Variants in C3orf20 observed in about 807,000 individuals in gnomAD.
C3orf20 encodes family with sequence similarity 149 member C, also known as uncharacterized protein C3orf20.
Under a neutral mutation model 88.3 loss-of-function variants are expected in C3orf20, and 76 were observed. The ratio of observed to expected loss-of-function variants is 0.86; its 90% CI spans 0.72 to 1.04. The LOEUF (loss-of-function observed/expected upper bound fraction) is 1.04. Ranked by LOEUF, C3orf20 falls within the 50% of genes least tolerant of loss-of-function variation. The pLI, the probability that C3orf20 is intolerant of heterozygous loss-of-function variation, is 0.00. For synonymous variants in C3orf20, 436 were observed against 437.4 expected, an observed-to-expected ratio of 1.00 and a Z score of 0.04; for missense variants, 1,056 against 1,123.3, an observed-to-expected ratio of 0.94 and a Z score of 0.86.
intron 9 of C3orf20, among the ~76,000 whole-genome samples, chr3:14,718,290 C>T (rs1327568634): frequency 6.6e-6 from 1 of 151,706 alleles, no homozygotes; most frequent in East Asian, 1.9e-4. Flanking sequence ...TCTTCAAGTT[C>T]AGTGACTTTA....
At chr3:14,732,333 T>C (rs2124995702) in intron 12 of C3orf20, among the ~76,000 whole-genome samples, 1 of 152,368 alleles carries the variant, frequency 6.6e-6, no homozygotes, top group South Asian at 2.1e-4. Context: ...CAAAATTGGA[T>C]TGTTTTCTTA....
In C3orf20 at chr3:14,683,102, A is replaced by T. The variant is rs756442500; in HGVS notation, c.389A>T (p.His130Leu). Residue 130 changes from histidine to leucine, a missense_variant, in exon 3 of 17, where the codon CAC (histidine) becomes CTC (leucine). Transcript: ENST00000253697. ...ACCATGGCCCGTCAGGTGCGCACCCACCAGGAGACCCTGAACAGGTTTCAG... is the reference window on the plus strand; with the variant it reads ...ACCATGGCCCGTCAGGTGCGCACCCTCCAGGAGACCCTGAACAGGTTTCAG... ...SPTMARQVRT[H>L]QETLNRFQQQ... The T allele has an allele frequency of 6.2e-7, 1 of 1,613,978 alleles. No homozygotes were observed. The highest frequency in any genetic ancestry group is 8.5e-7 in the Non-Finnish European group (1 of 1,179,964).
Position 14,704,572 on chromosome 3 carries a change from G to A in C3orf20, c.1114G>A (p.Ala372Thr). 6.2e-7 allele frequency: 1 copy of A among 1,614,072 alleles called. No homozygotes were observed. The highest frequency in any genetic ancestry group is 8.5e-7 in the Non-Finnish European group (1 of 1,180,028). Reference protein sequence around the residue: ...HCQEGKAPKKAFKFHYTFYDG... With the variant: ...HCQEGKAPKKTFKFHYTFYDG... ...TCAAGAGGGGAAGGCACCCAAGAAG[G>A]CCTTCAAGTTTCATTACACCTTCTA... The change falls in exon 7 of 17, where the codon GCC becomes ACC. Residue 372 changes from alanine (A) to threonine (T), a missense_variant. Transcript: ENST00000253697.
intron 15 of C3orf20, among the ~76,000 whole-genome samples, chr3:14,766,756 T>C (rs181070409): frequency 6.6e-6 from 1 of 152,174 alleles, no homozygotes; most frequent in South Asian, 2.1e-4. Context: ...TTGGCCCTCT[T>C]AGCTCAGCCT....
chr3:14,704,284 C>G (rs2033403372), intron 6 of C3orf20, 53 bp from the exon 7 acceptor site: 1 of 1,585,358 alleles, frequency 6.3e-7, no homozygotes, highest in African/African-American at 1.3e-5. Flanking sequence ...GAGAGCATCC[C>G]TGGTGCTTGA....
intron 7 of C3orf20, among the ~76,000 whole-genome samples, chr3:14,711,249 T>C (rs1475834270): frequency 6.6e-6 from 1 of 152,224 alleles, no homozygotes. Flanking sequence ...TATCCATTAT[T>C]GAACATGAGG....
intron 12 of C3orf20, among the ~76,000 whole-genome samples, chr3:14,738,258 C>G (rs566548714): frequency 6.6e-6 from 1 of 151,090 alleles, no homozygotes; most frequent in African/African-American, 2.4e-5. Flanking sequence ...ACCTCTGCCC[C>G]CCGGGTTCAA....
At chr3:14,687,408 T>C (rs2032490554) in intron 4 of C3orf20, among the ~76,000 whole-genome samples, 1 of 152,156 alleles carries the variant, frequency 6.6e-6, no homozygotes, top group East Asian at 1.9e-4. Flanking sequence ...AGATCTCTGT[T>C]TTAGGGGAAG....
chr3:14,760,749 A>G (rs1453332904), intron 14 of C3orf20, among the ~76,000 whole-genome samples: 5 of 151,726 alleles, frequency 3.3e-5, no homozygotes, highest in African/African-American at 1.2e-4. Flanking sequence ...AGCTGGGACT[A>G]CAGGTTCCCA....
chr3:14,738,807 A>ATT (rs1221697056), intron 12 of C3orf20, among the ~76,000 whole-genome samples: 19 of 98,940 alleles, frequency 1.9e-4, no homozygotes, highest in African/African-American at 5.6e-4. Flanking sequence ...TGCCTGGCTA[A>ATT]TTTTTTTGTT....
chr3:14,761,038 C>G (rs2035546227), intron 14 of C3orf20, among the ~76,000 whole-genome samples: 1 of 152,092 alleles, frequency 6.6e-6, no homozygotes, highest in African/African-American at 2.4e-5. Context: ...GCCCTGCCCT[C>G]AAGGGTTTCC....
chr3:14,717,208 T>C (rs1416128453), intron 9 of C3orf20, among the ~76,000 whole-genome samples: 1 of 152,196 alleles, frequency 6.6e-6, no homozygotes. Context: ...TCCGGCCTCA[T>C]GGTACTTTCA....
At position 14,772,350 on chromosome 3, in the gene C3orf20, T is replaced by G. The variant is rs2035884318; in HGVS notation, c.2630+149T>G. ...TCTAGCCCATGTAATCAACACAATA[T>G]TGGGCGGGCATGCAGGCTGCCCTGG... On this transcript the variant is annotated intron_variant, in intron 16 of 16. Transcript: ENST00000253697. This position sits in a 1 kb window ranked among gnomAD's most constrained non-coding sequence, Gnocchi z 4.2. 6 of 1,010,826 alleles carry G rather than the reference T, an allele frequency of 5.9e-6. No individual in the cohort carries two copies. Among genetic ancestry groups the G allele is most frequent in the Middle Eastern group, 6.3e-4 (2 of 3,184 alleles). The allele number at this position is 1,010,826 out of a possible 1,614,324, so 62.6% of individuals were successfully genotyped here.
At chr3:14,697,855 A>G (rs961193778) in intron 5 of C3orf20, among the ~76,000 whole-genome samples, 4 of 152,036 alleles carry the variant, frequency 2.6e-5, no homozygotes, top group Non-Finnish European at 5.9e-5. Context: ...GATGGTTTCC[A>G]GCTTCATCCA....
intron 3 of C3orf20, 119 bp from the exon 4 acceptor site, chr3:14,684,123 T>C: frequency 4.4e-6 from 6 of 1,372,798 alleles, no homozygotes; most frequent in Non-Finnish European, 6.0e-6. Flanking sequence ...CACCCCTGCA[T>C]ACCCTAGGAA....
At chr3:14,727,156 T>A in intron 11 of C3orf20, 132 bp downstream of exon 11, 1 of 1,067,338 alleles carries the variant, frequency 9.4e-7, no homozygotes, top group Non-Finnish European at 1.4e-6. Flanking sequence ...TCCAGGGAAG[T>A]AGGCATAGCA....
intron 9 of C3orf20, among the ~76,000 whole-genome samples, chr3:14,717,571 G>A (rs2033987185): frequency 6.6e-6 from 1 of 152,150 alleles, no homozygotes; most frequent in Non-Finnish European, 1.5e-5. Context: ...GTGGAGGTGG[G>A]AGGCACTGGA....
intron 9 of C3orf20, among the ~76,000 whole-genome samples, chr3:14,719,959 T>C (rs1358041702): frequency 6.6e-6 from 1 of 152,212 alleles, no homozygotes; most frequent in African/African-American, 2.4e-5. Flanking sequence ...GGCTCTATAC[T>C]ACATCTCTCT....
chr3:14,736,706 A>G (rs190728755), intron 12 of C3orf20, among the ~76,000 whole-genome samples: 34 of 151,950 alleles, frequency 2.2e-4, no homozygotes, highest in Admixed American at 1.3e-3. Context: ...AGCTGGGACT[A>G]CAGGCATATG....
Sources: gnomAD v4.1 joint callset for allele counts (sites outside exome capture counted in the v4.1 genomes callset) on GRCh38, gnomAD v4.1.1 for gene constraint, Gnocchi (gnomAD v3.1) non-coding constraint, MANE v1.5 for transcripts, NCBI Gene and HGNC (gene_info 2026-07-23, HGNC 2026-07-21) for gene names.